The following LARGE1 variants were observed in gnomAD, a reference collection of about 807,000 sequenced individuals.
The protein encoded by LARGE1 is LARGE xylosyl- and glucuronyltransferase 1.
Under a neutral mutation model 87.6 loss-of-function variants are expected in LARGE1, and 43 were observed. That is an observed-to-expected ratio of 0.49 (90% CI 0.38 to 0.63). The LOEUF (loss-of-function observed/expected upper bound fraction) is 0.63. Among genes scored for constraint, LARGE1 ranks in the 30% least tolerant of loss-of-function variants. The pLI, the probability that LARGE1 is intolerant of heterozygous loss-of-function variation, is 0.00. For missense variants in LARGE1, 802 were observed against 1,000.2 expected (o/e 0.80, Z 2.67); for synonymous variants, 434 against 394.6 (o/e 1.10, Z -1.18).
chr22:33,538,948 A>G (rs748948537), intron 6 of LARGE1, among the ~76,000 whole-genome samples: 1 of 152,226 alleles, frequency 6.6e-6, no homozygotes, highest in Non-Finnish European at 1.5e-5. Flanking sequence ...GAAGGTTGTG[A>G]AAATAATTCA....
At chr22:33,178,349 T>G (rs887007890) in intron 11 of LARGE1, among the ~76,000 whole-genome samples, 1 of 151,942 alleles carries the variant, frequency 6.6e-6, no homozygotes, top group Non-Finnish European at 1.5e-5. Context: ...AACACTGGAG[T>G]CTTTATGCTG....
intron 11 of LARGE1, among the ~76,000 whole-genome samples, chr22:33,312,796 T>C (rs1184844651): frequency 6.6e-6 from 1 of 152,162 alleles, no homozygotes; most frequent in African/African-American, 2.4e-5. Context: ...AAGAGACCAA[T>C]CTAGACCATC....
chr22:33,104,101 T>A, the LARGE1 span, among the ~76,000 whole-genome samples: 1 of 152,156 alleles, frequency 6.6e-6, no homozygotes, highest in Non-Finnish European at 1.5e-5. Flanking sequence ...TGGATTTTTT[T>A]CCCCAGAGTA....
intron 6 of LARGE1, among the ~76,000 whole-genome samples, chr22:33,546,852 G>A (rs1007015826): frequency 6.6e-6 from 1 of 152,110 alleles, no homozygotes; most frequent in Non-Finnish European, 1.5e-5. Context: ...CCAAAGTGCT[G>A]GGATTACAGG....
At chr22:33,461,415 G>A (rs7287520) in intron 6 of LARGE1, among the ~76,000 whole-genome samples, 1,541 of 152,194 alleles carry the variant, frequency 0.01, 24 homozygotes, top group African/African-American at 0.035. Flanking sequence ...AATAGAATGG[G>A]ACAGAAGTGA....
chr22:33,892,713 G>A (rs1436531512), intron 1 of LARGE1, among the ~76,000 whole-genome samples: 1 of 151,896 alleles, frequency 6.6e-6, no homozygotes. Context: ...AATTCTAAAG[G>A]TGGTACAACA....
chr22:33,534,328 C>T (rs1314546397), intron 6 of LARGE1, among the ~76,000 whole-genome samples: 2 of 151,886 alleles, frequency 1.3e-5, no homozygotes, highest in Non-Finnish European at 2.9e-5. Context: ...GGTGTGAACC[C>T]AGGAGGCGGA....
chr22:33,784,753 A>C (rs534496874), intron 1 of LARGE1, among the ~76,000 whole-genome samples: 2 of 152,134 alleles, frequency 1.3e-5, no homozygotes, highest in African/African-American at 4.8e-5. Flanking sequence ...CATAAACAAT[A>C]TATATACCAT....
chr22:33,546,061 TGAG>T (rs2077352731), intron 6 of LARGE1, among the ~76,000 whole-genome samples: 1 of 152,214 alleles, frequency 6.6e-6, no homozygotes, highest in South Asian at 2.1e-4. Context: ...CTTTCTACAC[TGAG>T]GACTGATTAG....
At chr22:33,209,944 C>T (rs577740878) in intron 11 of LARGE1, among the ~76,000 whole-genome samples, 7 of 152,306 alleles carry the variant, frequency 4.6e-5, no homozygotes, top group Admixed American at 3.3e-4. Flanking sequence ...CCACCACGCC[C>T]GGCTGTGGTT....
At chr22:33,076,261 G>A in the LARGE1 span, among the ~76,000 whole-genome samples, 2 of 152,262 alleles carry the variant, frequency 1.3e-5, no homozygotes, top group East Asian at 3.9e-4. Context: ...ATTCCTATTT[G>A]AGAAAGTGCC....
the LARGE1 span, among the ~76,000 whole-genome samples, chr22:33,145,998 A>G: frequency 2.6e-5 from 4 of 152,230 alleles, no homozygotes; most frequent in Non-Finnish European, 5.9e-5. Flanking sequence ...ACTATTGAAT[A>G]CACCATGAAA....
intron 11 of LARGE1, among the ~76,000 whole-genome samples, chr22:33,236,328 G>A (rs1413729333): frequency 6.6e-6 from 1 of 152,116 alleles, no homozygotes; most frequent in Non-Finnish European, 1.5e-5. Context: ...GAGAGATAGT[G>A]GTGCCATCTT....
intron 6 of LARGE1, among the ~76,000 whole-genome samples, chr22:33,526,551 C>G (rs906137348): frequency 6.6e-6 from 1 of 152,236 alleles, no homozygotes; most frequent in Non-Finnish European, 1.5e-5. Flanking sequence ...AATGAAACTT[C>G]TGTAGTGTAC....
At chr22:33,088,766 T>C in the LARGE1 span, among the ~76,000 whole-genome samples, 1 of 152,204 alleles carries the variant, frequency 6.6e-6, no homozygotes, top group Non-Finnish European at 1.5e-5. Flanking sequence ...AATCCCCGAC[T>C]TTTAGAGAAT....
chr22:33,631,131 G>A (rs894115434), intron 3 of LARGE1, among the ~76,000 whole-genome samples: 1 of 151,282 alleles, frequency 6.6e-6, no homozygotes, highest in Non-Finnish European at 1.5e-5. Context: ...GGGATTACAG[G>A]CATGAGCCAC....
At chr22:33,207,785 C>T (rs1164459371) in intron 11 of LARGE1, among the ~76,000 whole-genome samples, 1 of 152,112 alleles carries the variant, frequency 6.6e-6, no homozygotes, top group Non-Finnish European at 1.5e-5. Flanking sequence ...GCCAGGCTAC[C>T]GTCTTTTAGG....
Position 33,650,546 on chromosome 22 carries a change from G to A in LARGE1, c.229C>T (p.Arg77Cys), listed in dbSNP as rs777068842. ...AGGCTGAGCTGCCTGCGGAGGGCGC[G>A]GTTCTCCTCCTCCACCTCGCGCATG... is the stretch of plus-strand genomic sequence containing the variant. Reference protein sequence around the residue: ...VRMREVEEENRALRRQLSLAQ... With the variant: ...VRMREVEEENCALRRQLSLAQ... The change falls in exon 3 of 15, where the codon CGC (arginine) becomes TGC (cysteine). Residue 77 changes from arginine to cysteine, a missense_variant. Arg to Cys is a radical substitution (Grantham distance 180). Coordinates refer to ENST00000397394, the MANE Select transcript of LARGE1 (RefSeq NM_133642.5). 5 of 1,609,902 alleles carry A rather than the reference G, an allele frequency of 3.1e-6. No homozygotes were observed. In the South Asian group the frequency reaches 4.4e-5, roughly 14 times the overall value.
intron 1 of LARGE1, among the ~76,000 whole-genome samples, chr22:33,873,653 C>A (rs1349336905): frequency 6.6e-6 from 1 of 152,116 alleles, no homozygotes; most frequent in African/African-American, 2.4e-5. Flanking sequence ...CTCTGTTTAC[C>A]CATCCAAAAC....
Sources: allele counts gnomAD v4.1 joint callset (sites outside exome capture counted in the v4.1 genomes callset), GRCh38; gene constraint gnomAD v4.1.1; transcripts MANE v1.5; gene names NCBI Gene and HGNC (gene_info 2026-07-23, HGNC 2026-07-21).